OAT: variants seen among roughly 807,000 people sequenced by gnomAD.
The protein encoded by OAT is ornithine aminotransferase.
In OAT, 35 loss-of-function variants were observed where a neutral mutation model predicts 48.4. The observed-to-expected ratio is 0.72, with a 90% CI of 0.55 to 0.96. The LOEUF (loss-of-function observed/expected upper bound fraction) is 0.96. Ranked by LOEUF, OAT falls within the 40% of genes least tolerant of loss-of-function variation. The pLI, the probability that OAT is intolerant of heterozygous loss-of-function variation, is 0.00. For missense variants in OAT, 438 were observed against 537.9 expected (o/e 0.81, Z 1.84); for synonymous variants, 182 against 198.4 (o/e 0.92, Z 0.70).
intron 4 of OAT, chr10:124,406,163 A>G (rs948207488): frequency 2.5e-5 from 24 of 962,504 alleles, no homozygotes; most frequent in Non-Finnish European, 2.5e-5. Flanking sequence ...AATAAAGGTG[A>G]CTGAGGATCT....
chr10:124,405,614 T>G, intron 4 of OAT, 51 bp from the exon 5 acceptor site: 1 of 1,607,432 alleles, frequency 6.2e-7, no homozygotes, highest in Middle Eastern at 1.7e-4. Context: ...CAAAATTCAA[T>G]AAGCACTATC....
At chr10:124,401,915 G>T (rs1387588967) in intron 7 of OAT, 76 bp from the exon 8 acceptor site, 1 of 1,095,330 alleles carries the variant, frequency 9.1e-7, no homozygotes, top group Non-Finnish European at 1.4e-6. Context: ...CCAGAGTCTC[G>T]CTGTCACCCA....
In OAT at chr10:124,412,099, C is replaced by T. The variant is rs775865729; in HGVS notation, c.73G>A (p.Ala25Thr). ...SRGVHSSVAS[A>T]TSVATKKTVQ... ...GTTTTTTTAGTTGCAACAGATGTAG[C>T]AGAAGCCACTGAAGAATGAACTCCG... is the stretch of plus-strand genomic sequence containing the variant. The change falls in exon 2 of 10, where the codon GCT becomes ACT. Residue 25 changes from alanine (A) to threonine (T), a missense_variant. Ala to Thr is a moderately conservative substitution (Grantham distance 58, BLOSUM62 0). Coordinates refer to ENST00000368845, the MANE Select transcript of OAT (RefSeq NM_000274.4). 7 of 1,613,992 alleles carry T rather than the reference C, an allele frequency of 4.3e-6. No homozygotes were observed. Among genetic ancestry groups the T allele is most frequent in the Non-Finnish European group, 5.9e-6 (7 of 1,180,016 alleles).
intron 7 of OAT, 150 bp from the exon 8 acceptor site, chr10:124,401,989 C>A (rs1044364538): frequency 4.4e-6 from 3 of 687,048 alleles, no homozygotes; most frequent in Non-Finnish European, 8.0e-6. Context: ...TCAAGCAATT[C>A]TCCTGCCTCA....
chr10:124,414,675 T>C (rs1951862797), intron 1 of OAT, among the ~76,000 whole-genome samples: 1 of 152,224 alleles, frequency 6.6e-6, no homozygotes, highest in South Asian at 2.1e-4. Flanking sequence ...CTCTTTATGC[T>C]TTACTCAGTA....
intron 4 of OAT, chr10:124,407,114 C>A (rs745958239): frequency 1.4e-5 from 14 of 985,434 alleles, no homozygotes; most frequent in Non-Finnish European, 1.6e-5. Context: ...TGCAAAGCCT[C>A]TTTCACCAGC....
chr10:124,403,891 C>A lies in OAT; in HGVS notation c.678G>T (p.Ala226=), dbSNP rs1305977647. The A allele has an allele frequency of 1.9e-6, 3 of 1,614,114 alleles. No individual in the cohort carries two copies. The highest frequency in any genetic ancestry group is 2.5e-6 in the Non-Finnish European group (3 of 1,179,982). ...CACCCTGAATTGGTTCTACCATGAA[C>A]GCAGCCACATTTGGATCCTGAAGAG... ...ERALQDPNVA[A]FMVEPIQGEA... Residue 226 remains alanine (A), a synonymous_variant, in exon 6 of 10, where the codon GCG becomes GCT. Transcript: ENST00000368845.
At chr10:124,409,381 G>A (rs1200433387) in intron 2 of OAT, among the ~76,000 whole-genome samples, 1 of 152,006 alleles carries the variant, frequency 6.6e-6, no homozygotes, top group African/African-American at 2.4e-5. Flanking sequence ...TGGACAACAC[G>A]GCAAAATCCC....
intron 2 of OAT, among the ~76,000 whole-genome samples, chr10:124,410,533 A>C (rs2134483479): frequency 6.6e-6 from 1 of 152,346 alleles, no homozygotes; most frequent in East Asian, 1.9e-4. Flanking sequence ...TCAGCTGGGC[A>C]CAGTAGCTCA....
At chr10:124,403,379 CATTT>C (rs780987156) in intron 6 of OAT, 1 of 448,772 alleles carries the variant, frequency 2.2e-6, no homozygotes, top group Non-Finnish European at 4.1e-6. Context: ...CAAATTAATT[CATTT>C]GTTTATTCCA....
chr10:124,408,343 ATTT>A (rs146556713), intron 4 of OAT, among the ~76,000 whole-genome samples, 196 bp downstream of exon 4: 1,002 of 83,538 alleles, frequency 0.012, 19 homozygotes, highest in African/African-American at 0.035. Flanking sequence ...ATATATATAT[ATTT>A]TTTTTTTTTT....
chr10:124,409,756 A>C (rs1951697579), intron 2 of OAT, among the ~76,000 whole-genome samples: 1 of 152,182 alleles, frequency 6.6e-6, no homozygotes, highest in African/African-American at 2.4e-5. Flanking sequence ...AAAAATGGGG[A>C]AAGACTTGAA....
In OAT at chr10:124,409,147, G is replaced by A. The variant is rs7923012; in HGVS notation, c.200-182C>T. On this transcript the variant is annotated intron_variant, in intron 2 of 9. Coordinates refer to ENST00000368845, the MANE Select transcript of OAT (RefSeq NM_000274.4). ...ACTTTGGTTTGTAAGGAATTACTAA[G>A]AATTGTATTTTATCTGCCCAGCTTC... Among the ~76,000 whole-genome samples, 42,062 of 152,042 alleles carry A rather than the reference G, an allele frequency of 0.28. 5,953 individuals are homozygous for A. Among genetic ancestry groups the A allele is most frequent in the Non-Finnish European group, 0.3 (20,625 of 67,978 alleles).
chr10:124,414,854 G>A (rs1951869877), intron 1 of OAT: 2 of 152,102 alleles, frequency 1.3e-5, no homozygotes, highest in South Asian at 4.1e-4. Context: ...GGCCAAGGCA[G>A]ATCACTTGAG....
At chr10:124,405,341 T>C in intron 5 of OAT, 95 bp downstream of exon 5, 1 of 1,563,842 alleles carries the variant, frequency 6.4e-7, no homozygotes, top group Non-Finnish European at 8.7e-7. Flanking sequence ...GAGATAAATT[T>C]GCATTACTGT....
In OAT at chr10:124,403,829, A is replaced by G. The variant is rs140966644; in HGVS notation, c.740T>C (p.Met247Thr). 184 of 1,614,156 alleles carry G rather than the reference A, an allele frequency of 1.1e-4. No individual in the cohort carries two copies. Among genetic ancestry groups the G allele is most frequent in the Admixed American group, 8.5e-4 (51 of 60,016 alleles). Residue 247 changes from methionine (M) to threonine (T), a missense_variant, in exon 6 of 10, where the codon ATG becomes ACG. Physicochemically the swap from Met to Thr is moderately conservative, Grantham distance 81. Transcript: ENST00000368845. ...GVVVPDPGYLMGVRELCTRHQ... is the reference protein window; with the variant it reads ...GVVVPDPGYLTGVRELCTRHQ... ...CCTGGTGCAGAGCTCTCGCACTCCCATTAGGTAACCTGGATCCGGAACAAC... is the reference window on the plus strand; with the variant it reads ...CCTGGTGCAGAGCTCTCGCACTCCCGTTAGGTAACCTGGATCCGGAACAAC...
At chr10:124,404,057 C>G in intron 5 of OAT, 137 bp from the exon 6 acceptor site, 2 of 949,550 alleles carry the variant, frequency 2.1e-6, no homozygotes, top group Non-Finnish European at 3.3e-6. Flanking sequence ...ACTTCAAATT[C>G]ACTGCCATTC....
At chr10:124,406,966 C>T (rs1815939016) in intron 4 of OAT, 1 of 985,206 alleles carries the variant, frequency 1.0e-6, no homozygotes, top group Non-Finnish European at 1.2e-6. Flanking sequence ...GAAGGAAAGA[C>T]ACCATGTAAA....
chr10:124,408,709 AG>A (rs768020152), intron 3 of OAT, 31 bp downstream of exon 3: 2 of 1,575,638 alleles, frequency 1.3e-6, no homozygotes, highest in Non-Finnish European at 8.7e-7. Flanking sequence ...ATTATTTTTG[AG>A]GGTATTTAAC....
Sources: allele counts gnomAD v4.1 joint callset (sites outside exome capture counted in the v4.1 genomes callset), GRCh38; gene constraint gnomAD v4.1.1; transcripts MANE v1.5; gene names NCBI Gene and HGNC (gene_info 2026-07-23, HGNC 2026-07-21).